Variants in PPP2R2C observed in about 807,000 individuals in gnomAD.
PPP2R2C encodes the protein protein phosphatase 2 regulatory subunit Bgamma, also known as protein phosphatase 2, regulatory subunit B, gamma.
Under a neutral mutation model 45.3 loss-of-function variants are expected in PPP2R2C, and 10 were observed. That is an observed-to-expected ratio of 0.22 (90% confidence interval 0.14 to 0.37). The LOEUF (loss-of-function observed/expected upper bound fraction) is 0.37, where lower values mean the gene tolerates loss of function less well. Among genes scored for constraint, PPP2R2C ranks in the 10% least tolerant of loss-of-function variants. The probability of loss-of-function intolerance (pLI) is 1.00; values close to 1 mark genes in which losing one functional copy is unlikely to be tolerated. For missense variants in PPP2R2C, 308 were observed against 619.7 expected (o/e 0.50, Z 5.34); for synonymous variants, 257 against 245.4 (o/e 1.05, Z -0.44).
At chr4:6,438,002 A>G (rs1473039795) in intron 1 of PPP2R2C, among the ~76,000 whole-genome samples, 2 of 152,190 alleles carry the variant, frequency 1.3e-5, no homozygotes, top group African/African-American at 4.8e-5. Context: ...GCTTACTTTC[A>G]GTTTTACCAG....
chr4:6,354,294 G>A (rs1262471919), intron 5 of PPP2R2C, among the ~76,000 whole-genome samples: 1 of 151,850 alleles, frequency 6.6e-6, no homozygotes, highest in Non-Finnish European at 1.5e-5. Flanking sequence ...GTCTCACCTT[G>A]GCCGCTTCTC....
intron 2 of PPP2R2C, among the ~76,000 whole-genome samples, chr4:6,510,980 CAAAAAAAAACAAACA>C (rs1723417191): frequency 9.7e-5 from 4 of 41,346 alleles, no homozygotes; most frequent in Non-Finnish European, 2.9e-4. Flanking sequence ...CCGTCTCAAA[CAAAAAAAAACAAACA>C]AACAAAAAAA....
intron 6 of PPP2R2C, among the ~76,000 whole-genome samples, chr4:6,335,808 C>T (rs922357732): frequency 2.6e-5 from 4 of 152,100 alleles, no homozygotes; most frequent in Non-Finnish European, 5.9e-5. Flanking sequence ...ATGTTCATGC[C>T]TCTGGTATCC....
At chr4:6,476,826 C>G (rs2108775394), upstream of PPP2R2C, among the ~76,000 whole-genome samples, 2 of 152,254 alleles carry the variant, frequency 1.3e-5, 1 homozygote, top group South Asian at 4.1e-4. Flanking sequence ...GTAATTTATT[C>G]ATTTTTCATT....
At chr4:6,407,300 C>T (rs1717861668) in intron 1 of PPP2R2C, among the ~76,000 whole-genome samples, 1 of 152,190 alleles carries the variant, frequency 6.6e-6, no homozygotes, top group Non-Finnish European at 1.5e-5. Context: ...CAACAATGAC[C>T]CAGCAGAAAC....
chr4:6,467,811 T>C (rs1166214541), intron 1 of PPP2R2C, among the ~76,000 whole-genome samples: 1 of 152,176 alleles, frequency 6.6e-6, no homozygotes, highest in Non-Finnish European at 1.5e-5. Context: ...GTCCTGGATC[T>C]CACTCACTCT....
At chr4:6,458,023 T>A (rs1721133717) in intron 1 of PPP2R2C, among the ~76,000 whole-genome samples, 1 of 152,258 alleles carries the variant, frequency 6.6e-6, no homozygotes, top group Non-Finnish European at 1.5e-5. Context: ...ATCAGTGTGT[T>A]CACCTTCACT....
chr4:6,378,017 A>G lies in PPP2R2C; in HGVS notation c.334+390T>C, dbSNP rs184589699. Among the ~76,000 whole-genome samples, 54 of 152,180 alleles carry G rather than the reference A, an allele frequency of 3.5e-4. No homozygotes were observed. Among genetic ancestry groups the G allele is most frequent in the African/African-American group, 1.3e-3 (52 of 41,512 alleles). On this transcript the variant is annotated intron_variant, in intron 3 of 8. Coordinates refer to ENST00000382599, the MANE Select transcript of PPP2R2C (RefSeq NM_020416.4). This position sits in a 1 kb window ranked among gnomAD's most constrained non-coding sequence, Gnocchi z 5.2. ...AGGAGGGGTTCACTTTGTGTCAAAT[A>G]TCCCCCGTGTCTGCGACCTGCATCC...
intron 6 of PPP2R2C, among the ~76,000 whole-genome samples, chr4:6,342,121 CACACACATACATATATAT>C (rs1733499778): frequency 7.6e-6 from 1 of 130,722 alleles, no homozygotes; most frequent in Non-Finnish European, 1.5e-5. Context: ...CACACACACA[CACACACATACATATATAT>C]ACATACATAT....
chr4:6,367,122 G>A (rs1432118460), intron 5 of PPP2R2C, among the ~76,000 whole-genome samples: 1 of 151,998 alleles, frequency 6.6e-6, no homozygotes, highest in African/African-American at 2.4e-5. Flanking sequence ...AGGTCACAGA[G>A]CCTCAGTATC....
At chr4:6,546,963 C>T (rs4234759) in intron 1 of PPP2R2C, among the ~76,000 whole-genome samples, 144,072 of 152,256 alleles carry the variant, frequency 0.95, 68,678 homozygotes, top group East Asian at 1. Context: ...CAACAGCTAA[C>T]GGCCCCCAAG....
In PPP2R2C at chr4:6,472,262, C is replaced by T. The variant is rs1282433234; in HGVS notation, c.-33G>A. The T allele has an allele frequency of 2.5e-6, 4 of 1,611,330 alleles. No individual in the cohort carries two copies. Among genetic ancestry groups the T allele is most frequent in the Non-Finnish European group, 3.4e-6 (4 of 1,178,676 alleles). On this transcript the variant is annotated 5_prime_UTR_variant, in exon 1 of 9. Coordinates refer to ENST00000382599, the MANE Select transcript of PPP2R2C (RefSeq NM_020416.4). ...CGTGCCCGGTGCTCTGGGCATGCCC[C>T]GCCGCCACACACCGATGCAATCCGC...
At chr4:6,347,789 T>TGCCC in intron 6 of PPP2R2C, 57 bp downstream of exon 6, 249 of 1,033,536 alleles carry the variant, frequency 2.4e-4, no homozygotes, top group Non-Finnish European at 3.0e-4. Flanking sequence ...GGACAGGACA[T>TGCCC]CCCACCCGCC....
chr4:6,500,432 G>A (rs1441393796), intron 2 of PPP2R2C, among the ~76,000 whole-genome samples: 4 of 152,246 alleles, frequency 2.6e-5, no homozygotes, highest in African/African-American at 9.6e-5. Context: ...ACAGGCGTGA[G>A]CCATTGCACC....
chr4:6,524,127 G>T (rs954371451), intron 2 of PPP2R2C, among the ~76,000 whole-genome samples: 2 of 151,958 alleles, frequency 1.3e-5, no homozygotes, highest in Non-Finnish European at 2.9e-5. Flanking sequence ...TCACCATGTT[G>T]GTCTGGCTGG....
At chr4:6,562,853 C>A (rs967158397) in intron 1 of PPP2R2C, among the ~76,000 whole-genome samples, 1 of 151,666 alleles carries the variant, frequency 6.6e-6, no homozygotes, top group African/African-American at 2.4e-5. Flanking sequence ...TGGGACCCTC[C>A]GCATAAAAGC....
At chr4:6,367,474 G>A (rs952047446) in intron 5 of PPP2R2C, among the ~76,000 whole-genome samples, 1 of 152,068 alleles carries the variant, frequency 6.6e-6, no homozygotes, top group African/African-American at 2.4e-5. Context: ...GGTTTTTCTT[G>A]TCAGGACTCA....
chr4:6,466,867 C>T (rs1721624288), intron 1 of PPP2R2C, among the ~76,000 whole-genome samples: 1 of 152,114 alleles, frequency 6.6e-6, no homozygotes, highest in Non-Finnish European at 1.5e-5. Context: ...GCTTTAAGTT[C>T]GGGTTGATTA....
At chr4:6,469,098 A>T (rs1293890435) in intron 1 of PPP2R2C, among the ~76,000 whole-genome samples, 1 of 151,556 alleles carries the variant, frequency 6.6e-6, no homozygotes, top group Non-Finnish European at 1.5e-5. Flanking sequence ...AAAAAAAAAA[A>T]AAAAAAAATC....
Sources: gnomAD v4.1 joint callset for allele counts (sites outside exome capture counted in the v4.1 genomes callset) on GRCh38, gnomAD v4.1.1 for gene constraint, Gnocchi (gnomAD v3.1) non-coding constraint, MANE v1.5 for transcripts, NCBI Gene and HGNC (gene_info 2026-07-23, HGNC 2026-07-21) for gene names.